The following ANO3 variants were observed in gnomAD, a reference collection of about 807,000 sequenced individuals.
ANO3 encodes the protein anoctamin-3.
In ANO3, 99 loss-of-function variants were observed where a neutral mutation model predicts 144.8. That is an observed-to-expected ratio of 0.68 (90% CI 0.58 to 0.81). The LOEUF is 0.81. ANO3 is among the 30% of genes least tolerant of loss of function. ANO3 has a pLI of 0.00. For missense variants in ANO3, 905 were observed against 1,202.2 expected (o/e 0.75, Z 3.66); for synonymous variants, 414 against 392.6 (o/e 1.05, Z -0.64).
chr11:26,290,407 C>T (rs1465273351), intron 1 of ANO3, among the ~76,000 whole-genome samples: 2 of 152,132 alleles, frequency 1.3e-5, no homozygotes, highest in Non-Finnish European at 2.9e-5. Context: ...GTCTCTATCT[C>T]CTTCAGTTCT....
At chr11:26,363,460 A>T (rs1419973009) in intron 1 of ANO3, among the ~76,000 whole-genome samples, 1 of 152,050 alleles carries the variant, frequency 6.6e-6, no homozygotes, top group Non-Finnish European at 1.5e-5. Context: ...TTGTCTTGTC[A>T]TGTCTTCACA....
intron 24 of ANO3, among the ~76,000 whole-genome samples, chr11:26,650,241 A>AAGAT (rs79674262): frequency 7.9e-5 from 12 of 151,954 alleles, no homozygotes; most frequent in African/African-American, 2.9e-4. Flanking sequence ...GCGGAAGAAG[A>AAGAT]TGACAGTGGG....
intron 1 of ANO3, among the ~76,000 whole-genome samples, chr11:26,215,920 G>A (rs1205927319): frequency 6.6e-6 from 1 of 151,852 alleles, no homozygotes; most frequent in Non-Finnish European, 1.5e-5. Context: ...AAGTTATCAG[G>A]ACTGTTAACC....
intron 1 of ANO3, among the ~76,000 whole-genome samples, chr11:26,323,428 C>T (rs1264544955): frequency 6.6e-6 from 1 of 152,116 alleles, no homozygotes; most frequent in Non-Finnish European, 1.5e-5. Flanking sequence ...TCCCCCCAGA[C>T]TTACTGGGAT....
chr11:26,616,391 T>A (rs1286468761), intron 17 of ANO3, among the ~76,000 whole-genome samples: 1 of 151,284 alleles, frequency 6.6e-6, no homozygotes, highest in Non-Finnish European at 1.5e-5. Context: ...TATCTTCTCC[T>A]CCCATTAAGT....
intron 1 of ANO3, among the ~76,000 whole-genome samples, chr11:26,303,853 G>A (rs1315644683): frequency 4.6e-5 from 7 of 151,974 alleles, no homozygotes; most frequent in African/African-American, 1.7e-4. Context: ...CCAAGTAGCT[G>A]AGACTACAGG....
chr11:26,621,352 C>T (rs571756415), intron 17 of ANO3, among the ~76,000 whole-genome samples: 2 of 152,152 alleles, frequency 1.3e-5, no homozygotes, highest in Non-Finnish European at 2.9e-5. Context: ...TCCTTTCTCT[C>T]TAACTTCCCT....
chr11:26,203,486 G>A (rs1218721333), intron 1 of ANO3, among the ~76,000 whole-genome samples: 1 of 152,192 alleles, frequency 6.6e-6, no homozygotes, highest in Non-Finnish European at 1.5e-5. Flanking sequence ...GTTGAAAACC[G>A]ATATACTGAA....
intron 24 of ANO3, among the ~76,000 whole-genome samples, chr11:26,649,694 G>T: frequency 6.6e-6 from 1 of 151,598 alleles, no homozygotes; most frequent in African/African-American, 2.4e-5. Flanking sequence ...CCAAGACCGC[G>T]CCATTGCACT....
At chr11:26,213,326 A>G (rs1055928657) in intron 1 of ANO3, among the ~76,000 whole-genome samples, 6 of 152,158 alleles carry the variant, frequency 3.9e-5, no homozygotes, top group Non-Finnish European at 7.4e-5. Context: ...AAATAGGAAG[A>G]GAGGAAGTAA....
intron 1 of ANO3, among the ~76,000 whole-genome samples, chr11:26,404,961 G>A (rs1857242263): frequency 6.7e-6 from 1 of 148,776 alleles, no homozygotes; most frequent in Admixed American, 6.7e-5. Flanking sequence ...GTGTGTGTGT[G>A]TGTGTGTGTG....
intron 1 of ANO3, among the ~76,000 whole-genome samples, chr11:26,254,161 C>T (rs1007233302): frequency 5.9e-5 from 9 of 152,098 alleles, no homozygotes; most frequent in African/African-American, 1.7e-4. Context: ...TGGTGACTTA[C>T]GAGTACTTGT....
chr11:26,221,748 T>C (rs898698736), intron 1 of ANO3, among the ~76,000 whole-genome samples: 3 of 151,868 alleles, frequency 2.0e-5, no homozygotes, highest in Non-Finnish European at 4.4e-5. Flanking sequence ...ATAGTGAGAG[T>C]GGGTGCAAGA....
At chr11:26,538,178 G>A (rs964403036) in intron 10 of ANO3, among the ~76,000 whole-genome samples, 2 of 152,144 alleles carry the variant, frequency 1.3e-5, no homozygotes, top group East Asian at 1.9e-4. Flanking sequence ...TGGCAGTGAC[G>A]TAAATGTTTT....
At position 26,643,178 on chromosome 11, in the gene ANO3, G is replaced by A; in HGVS notation, c.2276-4G>A. 1 of 1,613,362 alleles carries A rather than the reference G, an allele frequency of 6.2e-7. No individual in the cohort carries two copies. Among genetic ancestry groups the A allele is most frequent in the African/African-American group, 1.3e-5 (1 of 74,960 alleles). On this transcript the variant is annotated splice_region_variant and splice_polypyrimidine_tract_variant and intron_variant, in intron 22 of 26. Coordinates refer to ENST00000256737, the MANE Select transcript of ANO3 (RefSeq NM_031418.4). ...AGTAATTTCCTAATGCTCTTCTTTT[G>A]CAGTTTTGCAATTTGGTTTTACCAC...
intron 1 of ANO3, among the ~76,000 whole-genome samples, chr11:26,243,421 A>T (rs1852706116): frequency 6.6e-6 from 1 of 151,886 alleles, no homozygotes; most frequent in African/African-American, 2.4e-5. Flanking sequence ...GCCCTCTCAT[A>T]CAATTCTCTG....
intron 4 of ANO3, among the ~76,000 whole-genome samples, chr11:26,499,617 ATTCTGT>A (rs2134121423): frequency 6.6e-6 from 1 of 151,424 alleles, no homozygotes; most frequent in South Asian, 2.1e-4. Flanking sequence ...GTATCTTTCT[ATTCTGT>A]TTCTATTTCT....
intron 26 of ANO3, 46 bp from the exon 27 acceptor site, chr11:26,660,216 A>G (rs761126097): frequency 1.3e-6 from 2 of 1,555,200 alleles, no homozygotes; most frequent in East Asian, 2.2e-5. Context: ...TATAATTAGC[A>G]TTTCAGAATC....
intron 1 of ANO3, among the ~76,000 whole-genome samples, chr11:26,243,973 C>T (rs1852723249): frequency 6.6e-6 from 1 of 151,734 alleles, no homozygotes; most frequent in Non-Finnish European, 1.5e-5. Context: ...CAAAAATTAG[C>T]TGGATATGGT....
Sources: allele counts gnomAD v4.1 joint callset (sites outside exome capture counted in the v4.1 genomes callset), GRCh38; gene constraint gnomAD v4.1.1; transcripts MANE v1.5; gene names NCBI Gene and HGNC (gene_info 2026-07-23, HGNC 2026-07-21).